DPYD: variants seen among roughly 807,000 people sequenced by gnomAD.
The protein encoded by DPYD is dihydropyrimidine dehydrogenase [NADP(+)].
A neutral mutation model predicts 116.2 loss-of-function variants in DPYD; 109 were observed. That is an observed-to-expected ratio of 0.94 (90% CI 0.80 to 1.10). The LOEUF (loss-of-function observed/expected upper bound fraction) is 1.10, where lower values mean the gene tolerates loss of function less well. Among genes scored for constraint, DPYD ranks in the 50% least tolerant of loss-of-function variants. The pLI, the probability that DPYD is intolerant of heterozygous loss-of-function variation, is 0.00. For missense variants in DPYD, 1,302 were observed against 1,254.5 expected (o/e 1.04, Z -0.57); for synonymous variants, 440 against 432.0 (o/e 1.02, Z -0.23).
rs367709038 is a variant in DPYD, at chr1:97,780,732, C to T, written c.234-40253G>A. Reference sequence around the variant, plus strand: ...TGAAAAGAAGCCAGATGGAAACATGCAACTTGTCAAATTGCAAATGAAGAA... The same window carrying T: ...TGAAAAGAAGCCAGATGGAAACATGTAACTTGTCAAATTGCAAATGAAGAA... On this transcript the variant is annotated intron_variant, in intron 3 of 22. Coordinates refer to ENST00000370192, the MANE Select transcript of DPYD (RefSeq NM_000110.4). 3.3e-5 allele frequency among the ~76,000 whole-genome samples: 5 copies of T among 152,270 alleles called. No individual in the cohort carries two copies. The South Asian group carries it at 6.2e-4, about 19-fold the overall frequency.
chr1:97,203,080 G>A (rs1292336090), intron 19 of DPYD, among the ~76,000 whole-genome samples: 1 of 152,098 alleles, frequency 6.6e-6, no homozygotes, highest in East Asian at 1.9e-4. Context: ...AGGAAGCTTG[G>A]CCACTGCTCT....
chr1:97,340,870 T>C (rs1309485908), intron 16 of DPYD, among the ~76,000 whole-genome samples: 2 of 152,196 alleles, frequency 1.3e-5, no homozygotes, highest in East Asian at 1.9e-4. Flanking sequence ...CATATACTCA[T>C]GTGAATTACT....
At chr1:97,126,727 A>AACTGT (rs1277044779) in intron 20 of DPYD, among the ~76,000 whole-genome samples, 1 of 152,182 alleles carries the variant, frequency 6.6e-6, no homozygotes, top group Non-Finnish European at 1.5e-5. Flanking sequence ...TGTCACAGAC[A>AACTGT]ACTGTTCAAA....
chr1:97,577,314 C>T (rs535501219), intron 10 of DPYD, among the ~76,000 whole-genome samples: 3 of 152,258 alleles, frequency 2.0e-5, no homozygotes, highest in South Asian at 4.2e-4. Flanking sequence ...CCCTATGAAA[C>T]GAGTAGATGC....
intron 8 of DPYD, among the ~76,000 whole-genome samples, chr1:97,629,979 T>C (rs1028459185): frequency 2.0e-5 from 3 of 152,138 alleles, no homozygotes; most frequent in South Asian, 2.1e-4. Context: ...CCTTTTAGAA[T>C]CAGATTTTTC....
chr1:97,883,441 A>T (rs1672328396), intron 1 of DPYD, 67 bp from the exon 2 acceptor site: 1 of 1,180,172 alleles, frequency 8.5e-7, no homozygotes. Context: ...ACTTATTTTT[A>T]TTTTATTTTT....
At chr1:97,112,112 CTT>C (rs1237350417) in intron 20 of DPYD, among the ~76,000 whole-genome samples, 1 of 151,964 alleles carries the variant, frequency 6.6e-6, no homozygotes, top group Non-Finnish European at 1.5e-5. Context: ...TTTTTATTAA[CTT>C]TGTGAATTAC....
chr1:97,267,988 A>G (rs975011800), intron 18 of DPYD, among the ~76,000 whole-genome samples: 14 of 152,186 alleles, frequency 9.2e-5, no homozygotes, highest in Admixed American at 2.6e-4. Context: ...CGAACAAGTT[A>G]TCTACTTCCA....
intron 7 of DPYD, 70 bp downstream of exon 7, chr1:97,691,647 G>A (rs1321444509): frequency 3.1e-6 from 4 of 1,301,344 alleles, no homozygotes. Context: ...GACATTTGCT[G>A]TTAATCTTTA....
chr1:97,912,605 T>C (rs887999415), intron 1 of DPYD, among the ~76,000 whole-genome samples: 3 of 151,106 alleles, frequency 2.0e-5, no homozygotes, highest in Non-Finnish European at 2.9e-5. Context: ...GATTTTAGTT[T>C]TTTGTATGTT....
At chr1:97,743,648 G>A (rs529093531) in intron 3 of DPYD, among the ~76,000 whole-genome samples, 8 of 152,186 alleles carry the variant, frequency 5.3e-5, no homozygotes, top group Admixed American at 2.6e-4. Context: ...TAAAATAGCA[G>A]AAATGCATGT....
chr1:97,543,257 T>A (rs980228383), intron 12 of DPYD, among the ~76,000 whole-genome samples: 8 of 152,166 alleles, frequency 5.3e-5, no homozygotes, highest in African/African-American at 1.9e-4. Context: ...AGAGCCCAAA[T>A]TTATAACCAC....
intron 16 of DPYD, among the ~76,000 whole-genome samples, chr1:97,353,791 A>C (rs1670273594): frequency 6.6e-6 from 1 of 152,218 alleles, no homozygotes; most frequent in Non-Finnish European, 1.5e-5. Context: ...GAACTTTCAT[A>C]ACTTCCACAA....
intron 11 of DPYD, among the ~76,000 whole-genome samples, chr1:97,556,066 G>C (rs550616311): frequency 6.6e-6 from 1 of 152,184 alleles, no homozygotes; most frequent in Non-Finnish European, 1.5e-5. Context: ...GCCTGAAATA[G>C]GGTGAGGTGA....
intron 3 of DPYD, among the ~76,000 whole-genome samples, chr1:97,813,641 A>AGGG (rs1668434648): frequency 6.6e-6 from 1 of 152,266 alleles, no homozygotes. Context: ...ATCTCTAAAT[A>AGGG]AAATTACTAC....
chr1:97,582,635 C>CA (rs1449976118), intron 10 of DPYD, among the ~76,000 whole-genome samples: 2 of 151,976 alleles, frequency 1.3e-5, no homozygotes, highest in African/African-American at 4.8e-5. Context: ...TTTAATTAGG[C>CA]AAAAAAAGTT....
chr1:97,396,263 C>A (rs1295543631), intron 14 of DPYD, among the ~76,000 whole-genome samples: 1 of 151,862 alleles, frequency 6.6e-6, no homozygotes, highest in Non-Finnish European at 1.5e-5. Context: ...AGTTAAATAA[C>A]TACTCACAGT....
chr1:97,379,855 G>A (rs557346108), intron 15 of DPYD, among the ~76,000 whole-genome samples: 1 of 152,190 alleles, frequency 6.6e-6, no homozygotes, highest in Non-Finnish European at 1.5e-5. Context: ...AAAGTGATGA[G>A]AGAATGGGTG....
At chr1:97,663,012 G>A (rs1387816804) in intron 8 of DPYD, among the ~76,000 whole-genome samples, 1 of 152,142 alleles carries the variant, frequency 6.6e-6, no homozygotes, top group Non-Finnish European at 1.5e-5. Flanking sequence ...TGAAAAGGTA[G>A]TTTATATTAT....
Sources: gnomAD v4.1 joint callset for allele counts (sites outside exome capture counted in the v4.1 genomes callset) on GRCh38, gnomAD v4.1.1 for gene constraint, MANE v1.5 for transcripts, NCBI Gene and HGNC (gene_info 2026-07-23, HGNC 2026-07-21) for gene names.